Variants in IL1RAPL2 observed in about 807,000 individuals in gnomAD.
IL1RAPL2 encodes interleukin 1 receptor accessory protein like 2.
IL1RAPL2 carries 3 observed loss-of-function variants against 44.1 expected under a neutral mutation model. The observed-to-expected ratio is 0.07, with a 90% CI of 0.03 to 0.18. The LOEUF is 0.18. IL1RAPL2 is among the 10% of genes least tolerant of loss of function. The probability of loss-of-function intolerance (pLI) is 1.00; values close to 1 mark genes in which losing one functional copy is unlikely to be tolerated. For synonymous variants in IL1RAPL2, 181 were observed against 178.8 expected, an observed-to-expected ratio of 1.01 and a Z score of -0.10; for missense variants, 391 against 496.4, an observed-to-expected ratio of 0.79 and a Z score of 2.02.
At chrX:105,005,950 A>T (rs2030934590) in intron 2 of IL1RAPL2, among the ~76,000 whole-genome samples, 1 of 110,773 alleles carries the variant, frequency 9.0e-6, no homozygotes, top group Admixed American at 9.7e-5. Context: ...TCTGATTCTC[A>T]TAGCTATGGA....
intron 1 of IL1RAPL2, among the ~76,000 whole-genome samples, chrX:104,619,261 A>G (rs1008460854): frequency 1.5e-4 from 17 of 112,161 alleles, no homozygotes; most frequent in African/African-American, 4.2e-4. Context: ...ATTAAAAATG[A>G]TATCCTGCTC....
intron 2 of IL1RAPL2, among the ~76,000 whole-genome samples, chrX:104,680,373 G>A (rs1266654777): frequency 9.0e-6 from 1 of 111,211 alleles, no homozygotes; most frequent in Non-Finnish European, 1.9e-5. Flanking sequence ...ATGTGTGAGT[G>A]TATGCATGTA....
At chrX:104,928,243 G>A (rs1014705190) in intron 2 of IL1RAPL2, among the ~76,000 whole-genome samples, 1 of 111,417 alleles carries the variant, frequency 9.0e-6, no homozygotes, top group Non-Finnish European at 1.9e-5. Flanking sequence ...CTATCAAATT[G>A]TAGATCTTAT....
At chrX:105,161,965 A>T (rs1479269780) in intron 2 of IL1RAPL2, among the ~76,000 whole-genome samples, 16 of 111,846 alleles carry the variant, frequency 1.4e-4, no homozygotes, top group Non-Finnish European at 2.6e-4. Context: ...TAGCTTCTTG[A>T]ACTAAGTTTA....
chrX:104,982,153 G>GA (rs967105592), intron 2 of IL1RAPL2, among the ~76,000 whole-genome samples: 1 of 110,971 alleles, frequency 9.0e-6, no homozygotes, highest in African/African-American at 3.3e-5. Flanking sequence ...AAGGTAGAAA[G>GA]AAAAAACTGA....
intron 2 of IL1RAPL2, among the ~76,000 whole-genome samples, chrX:104,896,025 G>C (rs1392556957): frequency 9.0e-6 from 1 of 111,724 alleles, no homozygotes; most frequent in East Asian, 2.8e-4. Flanking sequence ...ACCTTCTTAG[G>C]GGAGGAGTGT....
At chrX:105,639,429 G>C (rs2037548467) in intron 6 of IL1RAPL2, among the ~76,000 whole-genome samples, 1 of 111,103 alleles carries the variant, frequency 9.0e-6, no homozygotes, top group Non-Finnish European at 1.9e-5. Flanking sequence ...GTGAACATCG[G>C]TGCAGCATTC....
intron 5 of IL1RAPL2, among the ~76,000 whole-genome samples, chrX:105,432,559 C>CT (rs763060531): frequency 9.0e-6 from 1 of 111,068 alleles, no homozygotes; most frequent in South Asian, 3.7e-4. Flanking sequence ...TAAGCCCCCC[C>CT]TTTTTTTGCT....
intron 2 of IL1RAPL2, among the ~76,000 whole-genome samples, chrX:104,740,496 T>C (rs1180576015): frequency 9.0e-6 from 1 of 111,282 alleles, no homozygotes; most frequent in Non-Finnish European, 1.9e-5. Context: ...GTTTTCAAAG[T>C]AATAACCTGA....
chrX:105,333,125 G>A (rs942466195), intron 5 of IL1RAPL2, among the ~76,000 whole-genome samples: 3 of 111,384 alleles, frequency 2.7e-5, no homozygotes, highest in South Asian at 7.5e-4. Context: ...ATACTACAGC[G>A]CTATAGTAAC....
At chrX:104,677,505 TCAGA>T (rs1443558715) in intron 2 of IL1RAPL2, among the ~76,000 whole-genome samples, 7 of 111,488 alleles carry the variant, frequency 6.3e-5, no homozygotes, top group African/African-American at 6.5e-5. Context: ...TTCAAAGCTG[TCAGA>T]CAGGGACATT....
intron 5 of IL1RAPL2, among the ~76,000 whole-genome samples, chrX:105,294,739 A>G (rs1246325609): frequency 8.9e-6 from 1 of 112,250 alleles, no homozygotes; most frequent in Non-Finnish European, 1.9e-5. Context: ...TTTTCCAGGG[A>G]AAGAACATGC....
Position 105,119,836 on chromosome X carries a change from AATG to A in IL1RAPL2, c.83-75633_83-75631del, listed in dbSNP as rs762806393. ...CAAATACATCCATTATTGTAATGAT[AATG>A]ATGATAACAATGACTATAGTAATTA... On this transcript the variant is annotated intron_variant, in intron 2 of 10. Transcript: ENST00000372582. 7.2e-5 allele frequency among the ~76,000 whole-genome samples: 8 copies of A among 111,308 alleles called. No homozygotes were observed. In the East Asian group the frequency reaches 8.5e-4, roughly 12 times the overall value.
chrX:105,337,032 C>G (rs1229265820), intron 5 of IL1RAPL2, among the ~76,000 whole-genome samples: 2 of 111,658 alleles, frequency 1.8e-5, no homozygotes, highest in Non-Finnish European at 3.8e-5. Flanking sequence ...AAACTGACAG[C>G]CTGCAGGCCA....
chrX:105,185,609 A>G (rs1403526046), intron 2 of IL1RAPL2, among the ~76,000 whole-genome samples: 1 of 111,441 alleles, frequency 9.0e-6, no homozygotes, highest in Non-Finnish European at 1.9e-5. Flanking sequence ...CAGAGGTGGA[A>G]AGATAACTCA....
intron 2 of IL1RAPL2, among the ~76,000 whole-genome samples, chrX:104,920,998 A>G (rs1299967515): frequency 9.0e-6 from 1 of 111,125 alleles, no homozygotes; most frequent in African/African-American, 3.3e-5. Context: ...AGATACCAGG[A>G]CTGGCCCCCA....
intron 5 of IL1RAPL2, among the ~76,000 whole-genome samples, chrX:105,371,413 C>T (rs949829240): frequency 1.2e-4 from 13 of 110,908 alleles, no homozygotes; most frequent in Admixed American, 3.9e-4. Flanking sequence ...TTTTATATAT[C>T]GTAAAAGGAA....
chrX:105,116,061 G>A (rs1000001648), intron 2 of IL1RAPL2, among the ~76,000 whole-genome samples: 9 of 112,581 alleles, frequency 8.0e-5, no homozygotes, highest in African/African-American at 1.6e-4. Flanking sequence ...AAGCGCGTGC[G>A]CAGCCCTGGT....
chrX:105,143,640 G>A (rs919178649), intron 2 of IL1RAPL2, among the ~76,000 whole-genome samples: 2 of 112,266 alleles, frequency 1.8e-5, no homozygotes, highest in African/African-American at 3.2e-5. Flanking sequence ...AAAGACACAT[G>A]CACACGTATG....
Sources: gnomAD v4.1 joint callset for allele counts (sites outside exome capture counted in the v4.1 genomes callset) on GRCh38, gnomAD v4.1.1 for gene constraint, MANE v1.5 for transcripts, NCBI Gene and HGNC (gene_info 2026-07-23, HGNC 2026-07-21) for gene names.